The following BABAM2 variants were observed in gnomAD, a reference collection of about 807,000 sequenced individuals.
BABAM2 encodes the protein BRISC and BRCA1 A complex member 2.
A neutral mutation model predicts 54.7 loss-of-function variants in BABAM2; 31 were observed. The ratio of observed to expected loss-of-function variants is 0.57; its 90% CI spans 0.43 to 0.77. The LOEUF (loss-of-function observed/expected upper bound fraction) is 0.77, where lower values mean the gene tolerates loss of function less well. Ranked by LOEUF, BABAM2 falls within the 30% of genes least tolerant of loss-of-function variation. The pLI is 0.00. For missense variants in BABAM2, 364 were observed against 455.8 expected (o/e 0.80, Z 1.83); for synonymous variants, 167 against 162.9 (o/e 1.03, Z -0.19).
intron 7 of BABAM2, among the ~76,000 whole-genome samples, chr2:28,146,569 C>T (rs6741499): frequency 0.25 from 38,515 of 151,998 alleles, 5,008 homozygotes; most frequent in South Asian, 0.46. Flanking sequence ...GAACATGAAT[C>T]ACAGACAAGG....
chr2:28,014,854 G>A (rs1674683609), intron 4 of BABAM2, among the ~76,000 whole-genome samples: 1 of 151,946 alleles, frequency 6.6e-6, no homozygotes, highest in African/African-American at 2.4e-5. Context: ...TTTCCTGACT[G>A]GTTAAAACTT....
chr2:28,298,255 C>T, intron 10 of BABAM2, 83 bp from the exon 11 acceptor site: 1 of 1,438,100 alleles, frequency 7.0e-7, no homozygotes, highest in Non-Finnish European at 9.5e-7. Flanking sequence ...AGTTTCGTAC[C>T]TAACATTCGG....
chr2:28,111,263 G>A (rs907561595), intron 6 of BABAM2, among the ~76,000 whole-genome samples: 1 of 151,668 alleles, frequency 6.6e-6, no homozygotes, highest in Non-Finnish European at 1.5e-5. Flanking sequence ...TTACAGGTAT[G>A]AGCCATCACA....
intron 7 of BABAM2, among the ~76,000 whole-genome samples, chr2:28,210,478 A>G (rs1240093900): frequency 6.6e-6 from 1 of 152,218 alleles, no homozygotes; most frequent in African/African-American, 2.4e-5. Context: ...GGTTGAGCTA[A>G]GTATTAAAGA....
rs1388448362 is a variant in BABAM2 at position 28,237,273 on chromosome 2, C to T, written c.752C>T (p.Pro251Leu). The change falls in exon 8 of 12, where the codon CCT becomes CTT. Residue 251 changes from proline (P) to leucine (L), a missense_variant. Physicochemically the swap from Pro to Leu is moderately conservative, Grantham distance 98 (BLOSUM62 -3). Transcript: ENST00000379624. ...GGAGGATGTCTCATTGATTACGTTC[C>T]TCAAGTATGCCACCTGCTCACCAAC... ...PGGGCLIDYV[P>L]QVCHLLTNKV... 1 of 1,613,664 alleles carries T rather than the reference C, an allele frequency of 6.2e-7. No homozygotes were observed. Among genetic ancestry groups the T allele is most frequent in the African/African-American group, 1.3e-5 (1 of 74,874 alleles).
At chr2:28,237,929 C>T (rs547787374) in intron 8 of BABAM2, among the ~76,000 whole-genome samples, 22 of 152,004 alleles carry the variant, frequency 1.4e-4, no homozygotes, top group South Asian at 6.2e-4. Flanking sequence ...CTCGGCTGAC[C>T]GCAACCTCCT....
intron 7 of BABAM2, among the ~76,000 whole-genome samples, chr2:28,192,236 A>G (rs1248136023): frequency 2.0e-5 from 3 of 151,886 alleles, no homozygotes; most frequent in Non-Finnish European, 4.4e-5. Flanking sequence ...GGGTTTCACC[A>G]TGTTAGCCAG....
chr2:28,005,331 CT>C (rs2148520060), intron 4 of BABAM2, among the ~76,000 whole-genome samples: 1 of 152,196 alleles, frequency 6.6e-6, no homozygotes, highest in East Asian at 1.9e-4. Context: ...GAAATACTGT[CT>C]GTTAATCTAA....
chr2:28,225,899 A>G (rs1680840106), intron 7 of BABAM2, among the ~76,000 whole-genome samples: 1 of 152,028 alleles, frequency 6.6e-6, no homozygotes, highest in African/African-American at 2.4e-5. Flanking sequence ...GGGTTTGCCT[A>G]TATTTCTTCC....
intron 4 of BABAM2, among the ~76,000 whole-genome samples, chr2:28,005,424 T>C (rs781223753): frequency 3.3e-5 from 5 of 152,200 alleles, no homozygotes; most frequent in African/African-American, 4.8e-5. Context: ...TTTGTAATTA[T>C]TAAATTTGAG....
At chr2:28,215,075 A>G (rs1679811695) in intron 7 of BABAM2, among the ~76,000 whole-genome samples, 2 of 152,000 alleles carry the variant, frequency 1.3e-5, no homozygotes, top group African/African-American at 4.8e-5. Flanking sequence ...TTTTCACTGC[A>G]TTTACTTCTG....
chr2:27,890,591 A>C, upstream of BABAM2: 1 of 473,278 alleles, frequency 2.1e-6, no homozygotes, highest in South Asian at 2.9e-5. This position sits in a 1 kb window ranked among gnomAD's most constrained non-coding sequence, Gnocchi z 4.8. Context: ...GCTCCTCGTC[A>C]CTCACGGGGC....
intron 6 of BABAM2, among the ~76,000 whole-genome samples, chr2:28,120,426 A>G (rs191032666): frequency 6.6e-6 from 1 of 152,326 alleles, no homozygotes; most frequent in East Asian, 1.9e-4. Context: ...CTTTGTGCCC[A>G]ATAGCATCCT....
chr2:28,195,461 ATCTC>A (rs1677418923), intron 7 of BABAM2, among the ~76,000 whole-genome samples: 1 of 152,168 alleles, frequency 6.6e-6, no homozygotes, highest in African/African-American at 2.4e-5. Flanking sequence ...TGGAAAAAAA[ATCTC>A]TATGACATGA....
intron 7 of BABAM2, among the ~76,000 whole-genome samples, chr2:28,182,874 G>A (rs1327556814): frequency 6.6e-6 from 1 of 152,132 alleles, no homozygotes; most frequent in Non-Finnish European, 1.5e-5. Flanking sequence ...TGTTTGATTA[G>A]TCTGAGAGAG....
At position 27,950,274 on chromosome 2, in the gene BABAM2, G is replaced by A. The variant is rs1203166220; in HGVS notation, c.205+20366G>A. Reference sequence around the variant, plus strand: ...GCATTTTAAGATTTTAAAATATCTTGTCAGAAGAACCCATAACAGTTCTAA... The same window carrying A: ...GCATTTTAAGATTTTAAAATATCTTATCAGAAGAACCCATAACAGTTCTAA... On this transcript the variant is annotated intron_variant, in intron 3 of 11. Transcript: ENST00000379624. 2.6e-5 allele frequency among the ~76,000 whole-genome samples: 4 copies of A among 152,090 alleles called. No homozygotes were observed. The East Asian group carries it at 7.7e-4, about 29-fold the overall frequency.
At chr2:27,954,747 A>G (rs1236772501) in intron 3 of BABAM2, among the ~76,000 whole-genome samples, 3 of 152,222 alleles carry the variant, frequency 2.0e-5, no homozygotes, top group Non-Finnish European at 1.5e-5. Context: ...ATTAATATTA[A>G]TGTTAAAAAC....
intron 7 of BABAM2, among the ~76,000 whole-genome samples, chr2:28,146,230 T>C (rs1383493440): frequency 6.6e-6 from 1 of 152,212 alleles, no homozygotes; most frequent in Non-Finnish European, 1.5e-5. Context: ...CCATTCTGTG[T>C]GTTGTCTTTT....
intron 7 of BABAM2, among the ~76,000 whole-genome samples, chr2:28,207,636 G>T (rs1020891184): frequency 3.3e-5 from 5 of 152,068 alleles, no homozygotes; most frequent in African/African-American, 1.2e-4. Flanking sequence ...TATTTAACTT[G>T]ATTTTCACAG....
Sources: gnomAD v4.1 joint callset for allele counts (sites outside exome capture counted in the v4.1 genomes callset) on GRCh38, gnomAD v4.1.1 for gene constraint, Gnocchi (gnomAD v3.1) non-coding constraint, MANE v1.5 for transcripts, NCBI Gene and HGNC (gene_info 2026-07-23, HGNC 2026-07-21) for gene names.